The following FAM210A variants were observed in gnomAD, a reference collection of about 807,000 sequenced individuals.
FAM210A encodes the protein family with sequence similarity 210 member A.
Under a neutral mutation model 25.3 loss-of-function variants are expected in FAM210A, and 13 were observed. The observed-to-expected ratio is 0.51, with a 90% confidence interval of 0.33 to 0.82. The LOEUF (loss-of-function observed/expected upper bound fraction) is 0.82. FAM210A is among the 40% of genes least tolerant of loss of function. FAM210A has a pLI of 0.02. For missense variants in FAM210A, 319 were observed against 323.2 expected, an observed-to-expected ratio of 0.99 and a Z score of 0.10; for synonymous variants, 125 against 118.7, an observed-to-expected ratio of 1.05 and a Z score of -0.35.
intron 1 of FAM210A, among the ~76,000 whole-genome samples, chr18:13,707,636 C>T (rs1045246157): frequency 4.6e-5 from 7 of 152,228 alleles, no homozygotes; most frequent in Admixed American, 3.9e-4. Context: ...GCAAACTAAA[C>T]ATGGCCTGAG....
At chr18:13,674,919 T>C (rs1200022898) in intron 2 of FAM210A, among the ~76,000 whole-genome samples, 2 of 148,730 alleles carry the variant, frequency 1.3e-5, no homozygotes, top group African/African-American at 2.5e-5. Context: ...GTTTCCTGAT[T>C]ATTAACATTC....
intron 1 of FAM210A, among the ~76,000 whole-genome samples, chr18:13,688,848 G>T (rs2149059919): frequency 6.6e-6 from 1 of 152,384 alleles, no homozygotes; most frequent in East Asian, 1.9e-4. Flanking sequence ...TGGTGCTAAA[G>T]CAGCCGGTTC....
chr18:13,710,136 T>G (rs1011930096), intron 1 of FAM210A: 3 of 152,220 alleles, frequency 2.0e-5, no homozygotes, highest in Non-Finnish European at 4.4e-5. Context: ...GCCACAAGAT[T>G]AGAATTATGG....
intron 1 of FAM210A, among the ~76,000 whole-genome samples, chr18:13,685,665 T>G (rs1362940588): frequency 6.6e-6 from 1 of 152,214 alleles, no homozygotes; most frequent in African/African-American, 2.4e-5. Flanking sequence ...CCAATGTCTG[T>G]GTATACCCTA....
chr18:13,686,847 A>G (rs772467988), intron 1 of FAM210A, among the ~76,000 whole-genome samples: 24 of 152,252 alleles, frequency 1.6e-4, no homozygotes, highest in Non-Finnish European at 3.2e-4. Flanking sequence ...AATTCTACCA[A>G]ACATTTAAGG....
chr18:13,665,475 A>C lies in FAM210A; in HGVS notation c.*1005T>G, dbSNP rs555604395. ...GACAAAAAGCAGCAGCCACAATTTA[A>C]AACTTTACTCCATAATGAAATCAGC... On this transcript the variant is annotated 3_prime_UTR_variant, in exon 4 of 4. Transcript: ENST00000651643. 1.3e-5 allele frequency: 2 copies of C among 151,864 alleles called. No homozygotes were observed. The highest frequency in any genetic ancestry group is 4.2e-4 in the South Asian group (2 of 4,804). The allele number at this position is 151,864 out of a possible 1,614,324, so 9.4% of individuals were successfully genotyped here. A position where few individuals can be genotyped will look rare whatever the true frequency, so the allele number is the denominator to read the frequency against.
At chr18:13,704,901 G>T (rs2043766387) in intron 1 of FAM210A, among the ~76,000 whole-genome samples, 1 of 152,042 alleles carries the variant, frequency 6.6e-6, no homozygotes, top group Non-Finnish European at 1.5e-5. Flanking sequence ...CCAGTTAATT[G>T]CTTAATGCGG....
intron 1 of FAM210A, among the ~76,000 whole-genome samples, chr18:13,721,029 C>T (rs1201970926): frequency 6.6e-6 from 1 of 152,082 alleles, no homozygotes; most frequent in Admixed American, 6.6e-5. Context: ...ATGACCTCAT[C>T]TTATCTAATT....
At chr18:13,696,068 C>A (rs1397753543) in intron 1 of FAM210A, among the ~76,000 whole-genome samples, 2 of 152,062 alleles carry the variant, frequency 1.3e-5, no homozygotes, top group African/African-American at 4.8e-5. Flanking sequence ...CCTCAAAACT[C>A]TGAAAGAAAT....
chr18:13,677,652 ACTT>A (rs1048191439), intron 2 of FAM210A, among the ~76,000 whole-genome samples: 1 of 151,732 alleles, frequency 6.6e-6, no homozygotes, highest in African/African-American at 2.4e-5. Context: ...TTTAGTTTTT[ACTT>A]CTTTCTTTGG....
At chr18:13,689,490 G>C (rs936332015) in intron 1 of FAM210A, among the ~76,000 whole-genome samples, 2 of 152,166 alleles carry the variant, frequency 1.3e-5, no homozygotes, top group African/African-American at 2.4e-5. Flanking sequence ...ACTTGGAGGG[G>C]AACTTCTTCA....
intron 1 of FAM210A, among the ~76,000 whole-genome samples, chr18:13,682,443 C>CCAGG (rs1223425203): frequency 6.6e-6 from 1 of 152,072 alleles, no homozygotes; most frequent in Non-Finnish European, 1.5e-5. Context: ...TGGTGGGCAC[C>CCAGG]TGTAATTCCA....
At chr18:13,718,842 T>A (rs2043879385) in intron 1 of FAM210A, among the ~76,000 whole-genome samples, 2 of 152,218 alleles carry the variant, frequency 1.3e-5, no homozygotes. Flanking sequence ...CAGCTTGGCT[T>A]TGGTGAAAAA....
chr18:13,721,245 T>C (rs2043895664), intron 1 of FAM210A, among the ~76,000 whole-genome samples: 1 of 152,140 alleles, frequency 6.6e-6, no homozygotes, highest in Non-Finnish European at 1.5e-5. Context: ...AGAAAACTGC[T>C]TTTGGTGATC....
chr18:13,668,487 A>G (rs1347865554), intron 3 of FAM210A, among the ~76,000 whole-genome samples: 2 of 152,120 alleles, frequency 1.3e-5, no homozygotes, highest in Non-Finnish European at 2.9e-5. Context: ...CTTAACTTTA[A>G]TCTCCAGACT....
At chr18:13,720,539 C>T (rs1356331220) in intron 1 of FAM210A, among the ~76,000 whole-genome samples, 1 of 152,150 alleles carries the variant, frequency 6.6e-6, no homozygotes, top group Non-Finnish European at 1.5e-5. Context: ...TGGAAGGCCC[C>T]TGAATATTTG....
intron 1 of FAM210A, among the ~76,000 whole-genome samples, chr18:13,714,493 G>A (rs570087316): frequency 3.9e-5 from 6 of 152,314 alleles, no homozygotes; most frequent in Admixed American, 6.5e-5. Flanking sequence ...TTCCTAAGGA[G>A]TAACTGAAGT....
intron 3 of FAM210A, among the ~76,000 whole-genome samples, chr18:13,666,996 C>G (rs749884386): frequency 2.6e-5 from 4 of 152,186 alleles, no homozygotes; most frequent in Non-Finnish European, 5.9e-5. Context: ...ACTTGGGGGA[C>G]AGGTCAACCT....
chr18:13,709,717 TA>T (rs2149068173), intron 1 of FAM210A, among the ~76,000 whole-genome samples: 1 of 152,332 alleles, frequency 6.6e-6, no homozygotes. Context: ...CCCAGGTGCC[TA>T]AAACTAAGGC....
Sources: allele counts gnomAD v4.1 joint callset (sites outside exome capture counted in the v4.1 genomes callset), GRCh38; gene constraint gnomAD v4.1.1; transcripts MANE v1.5; gene names NCBI Gene and HGNC (gene_info 2026-07-23, HGNC 2026-07-21).